LRP1B: variants seen among roughly 807,000 people sequenced by gnomAD.
LRP1B encodes low-density lipoprotein receptor-related protein 1B.
LRP1B carries 217 observed loss-of-function variants against 556.6 expected under a neutral mutation model. The observed-to-expected ratio is 0.39, with a 90% CI of 0.35 to 0.44. LRP1B has a LOEUF of 0.44. Among genes scored for constraint, LRP1B ranks in the 20% least tolerant of loss-of-function variants. The probability of loss-of-function intolerance (pLI) is 1.00; values close to 1 mark genes in which losing one functional copy is unlikely to be tolerated. For synonymous variants in LRP1B, 2,047 were observed against 1,865.8 expected, an observed-to-expected ratio of 1.10 and a Z score of -2.50; for missense variants, 5,053 against 5,620.8, an observed-to-expected ratio of 0.90 and a Z score of 3.23.
chr2:140,748,375 ATATATATTCATATAT>A (rs1477635820), intron 35 of LRP1B, among the ~76,000 whole-genome samples: 2 of 82,668 alleles, frequency 2.4e-5, no homozygotes, highest in Non-Finnish European at 4.7e-5. Context: ...TTATATATGT[ATATATATTCATATAT>A]TATATTCATA....
At chr2:140,294,808 T>C (rs558515028) in intron 84 of LRP1B, among the ~76,000 whole-genome samples, 9 of 152,208 alleles carry the variant, frequency 5.9e-5, no homozygotes, top group Admixed American at 3.3e-4. Flanking sequence ...TAGTCTGCTG[T>C]GTTGTGAGGA....
intron 1 of LRP1B, among the ~76,000 whole-genome samples, chr2:141,908,441 A>T (rs866628859): frequency 1.3e-5 from 2 of 151,946 alleles, no homozygotes; most frequent in Admixed American, 6.6e-5. Flanking sequence ...TTCTTCATGG[A>T]TCTCACACTG....
At chr2:140,264,063 G>A (rs1573704475) in intron 86 of LRP1B, among the ~76,000 whole-genome samples, 1 of 152,030 alleles carries the variant, frequency 6.6e-6, no homozygotes, top group Non-Finnish European at 1.5e-5. Flanking sequence ...CTCTCTTCTT[G>A]GCTTACAGAT....
At chr2:141,721,596 A>C (rs1162966179) in intron 2 of LRP1B, among the ~76,000 whole-genome samples, 3 of 152,212 alleles carry the variant, frequency 2.0e-5, no homozygotes, top group African/African-American at 7.2e-5. Context: ...CATCTAAAAT[A>C]ACAAAATTTA....
intron 62 of LRP1B, 118 bp from the exon 63 acceptor site, chr2:140,450,779 G>A: frequency 3.1e-6 from 2 of 642,980 alleles, no homozygotes; most frequent in Non-Finnish European, 2.7e-6. Context: ...GAACAATGGT[G>A]ATTTTGGAAA....
intron 1 of LRP1B, among the ~76,000 whole-genome samples, chr2:142,064,473 A>G (rs546824044): frequency 6.6e-6 from 1 of 151,706 alleles, no homozygotes; most frequent in South Asian, 2.1e-4. Flanking sequence ...ATTGGAAGGC[A>G]TAACAGTGAA....
chr2:141,221,098 A>G (rs1214436417), intron 6 of LRP1B, among the ~76,000 whole-genome samples: 9 of 152,178 alleles, frequency 5.9e-5, no homozygotes, highest in African/African-American at 2.2e-4. Context: ...ATTAAAAGAT[A>G]CAGAATGGCA....
chr2:142,098,722 C>A (rs1706466967), intron 1 of LRP1B, among the ~76,000 whole-genome samples: 1 of 151,688 alleles, frequency 6.6e-6, no homozygotes, highest in African/African-American at 2.4e-5. Flanking sequence ...TAAATAGATG[C>A]ATAACATATT....
chr2:140,939,801 T>C (rs115039654), intron 20 of LRP1B, among the ~76,000 whole-genome samples: 1 of 151,278 alleles, frequency 6.6e-6, no homozygotes, highest in African/African-American at 2.4e-5. Flanking sequence ...TACTTTTAGT[T>C]GCAATTAGAA....
chr2:140,648,414 G>A (rs948035517), intron 41 of LRP1B, among the ~76,000 whole-genome samples: 1 of 151,864 alleles, frequency 6.6e-6, no homozygotes, highest in African/African-American at 2.4e-5. Context: ...TTGTGCACAT[G>A]TACCCTAGAA....
rs377313049 is a variant in LRP1B, at chr2:140,777,037, T to C, written c.5360-799A>G. Among the ~76,000 whole-genome samples the C allele has an allele frequency of 1.2e-4, 19 of 152,328 alleles. No homozygotes were observed. The East Asian group carries it at 2.7e-3, about 22-fold the overall frequency. ...CTCCCTATCTGAAAAACTTGTGTTC[T>C]TTCCAAGACTCCATGAGAGGCTTTA... On this transcript the variant is annotated intron_variant, in intron 32 of 90. Transcript: ENST00000389484.
chr2:141,552,345 T>C (rs1685784845), intron 2 of LRP1B, among the ~76,000 whole-genome samples: 1 of 152,020 alleles, frequency 6.6e-6, no homozygotes, highest in Non-Finnish European at 1.5e-5. Flanking sequence ...CACCACTGAG[T>C]GACACAATAA....
In LRP1B at chr2:142,130,863, T is replaced by A. The variant is rs1207823354; in HGVS notation, c.-134A>T. On this transcript the variant is annotated 5_prime_UTR_variant, in exon 1 of 91. In the 5' UTR this introduces an upstream ATG that the reference lacks. Transcript: ENST00000389484. ...CATTTACAAATGTCACTGGAAATTC[T>A]TCAGCTCAATGAGTCCAGCCAGTCA... The A allele has an allele frequency of 1.4e-6, 1 of 738,364 alleles. No individual in the cohort carries two copies. 45.7% of individuals were successfully genotyped at this position (738,364 alleles called of 1,614,324 possible). A position where few individuals can be genotyped will look rare whatever the true frequency, so the allele number is the denominator to read the frequency against.
chr2:141,351,611 T>C (rs1056377124), intron 3 of LRP1B, among the ~76,000 whole-genome samples: 1 of 152,008 alleles, frequency 6.6e-6, no homozygotes, highest in Non-Finnish European at 1.5e-5. Context: ...TAAGGCCCAC[T>C]ATGTATCACT....
Position 140,397,303 on chromosome 2 carries a change from C to T in LRP1B, c.10415-11294G>A, listed in dbSNP as rs569384833. On this transcript the variant is annotated intron_variant, in intron 66 of 90. Coordinates refer to ENST00000389484, the MANE Select transcript of LRP1B (RefSeq NM_018557.3). The stretch of plus-strand genomic sequence containing the variant: ...CCCATCACCTAGGTATTAAGCCCAG[C>T]ATGCATTAGCTATTTTTCCTAATGC... Among the ~76,000 whole-genome samples the T allele has an allele frequency of 3.9e-5, 6 of 152,184 alleles. No homozygotes were observed. In the East Asian group the frequency reaches 1.2e-3, roughly 29 times the overall value.
chr2:140,419,437 A>T (rs1685340520), intron 66 of LRP1B, among the ~76,000 whole-genome samples: 2 of 152,212 alleles, frequency 1.3e-5, no homozygotes, highest in African/African-American at 4.8e-5. Context: ...GACTTAAACA[A>T]TATTATCAAC....
At chr2:141,420,413 C>A (rs966688002) in intron 3 of LRP1B, among the ~76,000 whole-genome samples, 1 of 152,150 alleles carries the variant, frequency 6.6e-6, no homozygotes, top group Non-Finnish European at 1.5e-5. Flanking sequence ...ATTCTGGAAG[C>A]CTCTGAAATC....
intron 2 of LRP1B, among the ~76,000 whole-genome samples, chr2:141,709,813 T>C (rs1692290577): frequency 6.6e-6 from 1 of 152,108 alleles, no homozygotes. Flanking sequence ...TTTGTGTTGC[T>C]ATGGAATACC....
intron 43 of LRP1B, among the ~76,000 whole-genome samples, chr2:140,559,658 C>G (rs1680859058): frequency 6.6e-6 from 1 of 150,994 alleles, no homozygotes; most frequent in Non-Finnish European, 1.5e-5. Flanking sequence ...TCTTAATGGC[C>G]ATATGGGGGG....
Sources: allele counts gnomAD v4.1 joint callset (sites outside exome capture counted in the v4.1 genomes callset), GRCh38; gene constraint gnomAD v4.1.1; transcripts MANE v1.5; gene names NCBI Gene and HGNC (gene_info 2026-07-23, HGNC 2026-07-21).